TPST2: variants seen among roughly 807,000 people sequenced by gnomAD.
TPST2 encodes protein-tyrosine sulfotransferase 2.
Under a neutral mutation model 27.8 loss-of-function variants are expected in TPST2, and 16 were observed. The observed-to-expected ratio is 0.58, with a 90% CI of 0.39 to 0.88. TPST2 has a LOEUF of 0.88. TPST2 is among the 40% of genes least tolerant of loss of function. The pLI is 0.00. For synonymous variants in TPST2, 229 were observed against 231.7 expected (o/e 0.99, Z 0.10); for missense variants, 464 against 543.1 (o/e 0.85, Z 1.45).
intron 6 of TPST2, among the ~76,000 whole-genome samples, 192 bp from the exon 7 acceptor site, chr22:26,526,459 A>C (rs1471436324): frequency 6.6e-6 from 1 of 152,192 alleles, no homozygotes; most frequent in African/African-American, 2.4e-5. Context: ...CCCACATCTC[A>C]TCTTGCATCC....
chr22:26,584,330 T>C (rs776125832), intron 1 of TPST2, among the ~76,000 whole-genome samples: 34 of 152,140 alleles, frequency 2.2e-4, no homozygotes, highest in Non-Finnish European at 3.4e-4. Flanking sequence ...ATCTGGACTT[T>C]ACAGGCCAAG....
intron 1 of TPST2, among the ~76,000 whole-genome samples, chr22:26,561,393 C>T (rs3966172): frequency 1.2e-4 from 18 of 152,270 alleles, no homozygotes; most frequent in African/African-American, 4.1e-4. Context: ...AGTATGGGGG[C>T]TGTAAATTGG....
In TPST2 at chr22:26,537,553, A is replaced by G. The variant is rs150239816; in HGVS notation, c.843-1067T>C. ...CTGCAACCTCCACCTCCTGGGTTCA[A>G]ACGATTCTCATGCCTCAGCCTCCCA... is the stretch of plus-strand genomic sequence containing the variant. On this transcript the variant is annotated intron_variant, in intron 3 of 6. Transcript: ENST00000338754. Among the ~76,000 whole-genome samples, 4 of 152,286 alleles carry G rather than the reference A, an allele frequency of 2.6e-5. No homozygotes were observed. In the East Asian group the frequency reaches 7.7e-4, roughly 29 times the overall value.
At chr22:26,527,239 A>G (rs1924892013) in intron 6 of TPST2, among the ~76,000 whole-genome samples, 1 of 152,244 alleles carries the variant, frequency 6.6e-6, no homozygotes, top group South Asian at 2.1e-4. Flanking sequence ...CCAAGCTGGA[A>G]GGTGTTTCCA....
chr22:26,567,314 C>T (rs1927419712), intron 1 of TPST2, among the ~76,000 whole-genome samples: 1 of 152,198 alleles, frequency 6.6e-6, no homozygotes, highest in Non-Finnish European at 1.5e-5. Flanking sequence ...TGGTGCAGTC[C>T]CCTCCAAGGG....
rs978209451 is a variant in TPST2, at chr22:26,524,702, C to T, written c.*1573G>A. On this transcript the variant is annotated 3_prime_UTR_variant, in exon 7 of 7. Transcript: ENST00000338754. ...AAGGCAAGGAGGTATGGGTAAAACACCTTAACCCTTAAAGATACAAACTTA... is the reference window on the plus strand; with the variant it reads ...AAGGCAAGGAGGTATGGGTAAAACATCTTAACCCTTAAAGATACAAACTTA... The T allele has an allele frequency of 2.0e-5, 3 of 152,172 alleles. No homozygotes were observed. The highest frequency in any genetic ancestry group is 4.4e-5 in the Non-Finnish European group (3 of 68,042). The allele number at this position is 152,172 out of a possible 1,614,324, so 9.4% of individuals were successfully genotyped here.
chr22:26,568,579 T>C (rs1927467944), intron 1 of TPST2, among the ~76,000 whole-genome samples: 1 of 152,116 alleles, frequency 6.6e-6, no homozygotes, highest in Non-Finnish European at 1.5e-5. Context: ...TATAGGCCAA[T>C]TATAATGCAT....
chr22:26,566,021 AATAG>A (rs1927361528), intron 1 of TPST2, among the ~76,000 whole-genome samples: 1 of 152,234 alleles, frequency 6.6e-6, no homozygotes, highest in Non-Finnish European at 1.5e-5. Flanking sequence ...CTGAAATTAA[AATAG>A]ATAAAGACTT....
At chr22:26,560,649 T>C (rs1433545681) in intron 1 of TPST2, 5 of 1,328,398 alleles carry the variant, frequency 3.8e-6, no homozygotes, top group Non-Finnish European at 5.4e-6. Context: ...CTCAGAGTTT[T>C]CTAAGAAGTG....
intron 1 of TPST2, among the ~76,000 whole-genome samples, chr22:26,578,987 G>A (rs1440724361): frequency 6.6e-6 from 1 of 151,852 alleles, no homozygotes; most frequent in African/African-American, 2.4e-5. Context: ...AAGTAGCTGG[G>A]AATAAAGCAT....
chr22:26,555,046 C>T (rs112401105), intron 1 of TPST2, among the ~76,000 whole-genome samples: 3,261 of 152,278 alleles, frequency 0.021, 119 homozygotes, highest in African/African-American at 0.075. Context: ...TCTGAATAGC[C>T]CAAAACTTTA....
intron 1 of TPST2, among the ~76,000 whole-genome samples, chr22:26,557,191 CTGGCAGAGGCACTGTACACA>C (rs1346926343): frequency 6.6e-6 from 1 of 152,234 alleles, no homozygotes; most frequent in African/African-American, 2.4e-5. Context: ...GGGGGTGACC[CTGGCAGAGGCACTGTACACA>C]TGGCCCTGAG....
At chr22:26,583,774 A>G (rs1358717434) in intron 1 of TPST2, among the ~76,000 whole-genome samples, 1 of 151,254 alleles carries the variant, frequency 6.6e-6, no homozygotes, top group Non-Finnish European at 1.5e-5. Context: ...CAGGAGACGG[A>G]GGTTGCAAGG....
chr22:26,566,967 G>A (rs984451645), intron 1 of TPST2, among the ~76,000 whole-genome samples: 1 of 152,154 alleles, frequency 6.6e-6, no homozygotes, highest in South Asian at 2.1e-4. Context: ...ATGTTTAGCC[G>A]CATCCCCGGC....
intron 1 of TPST2, chr22:26,560,801 G>A (rs528665096): frequency 1.9e-5 from 26 of 1,381,766 alleles, no homozygotes; most frequent in South Asian, 1.5e-4. Context: ...TCAAGGATCC[G>A]AATGCACCCA....
At chr22:26,536,028 T>C (rs569933295) in intron 4 of TPST2, 31 of 613,548 alleles carry the variant, frequency 5.1e-5, no homozygotes, top group South Asian at 4.6e-4. Context: ...AGAAATAAGA[T>C]GAAATTAGTG....
intron 1 of TPST2, among the ~76,000 whole-genome samples, chr22:26,553,564 TCTCA>T (rs897733700): frequency 2.6e-5 from 4 of 152,126 alleles, no homozygotes; most frequent in Admixed American, 1.3e-4. Context: ...GGAGACGGGG[TCTCA>T]CTATGTTGCC....
intron 3 of TPST2, among the ~76,000 whole-genome samples, chr22:26,537,458 T>C (rs936316540): frequency 2.6e-5 from 4 of 152,070 alleles, no homozygotes; most frequent in Admixed American, 2.0e-4. Flanking sequence ...ACATTGTAAG[T>C]TTTTTCTTTT....
chr22:26,575,428 T>C (rs1726941991), intron 1 of TPST2, among the ~76,000 whole-genome samples: 1 of 151,880 alleles, frequency 6.6e-6, no homozygotes, highest in Admixed American at 6.6e-5. Context: ...GCCTCCTACT[T>C]GCAAGACCAC....
Sources: allele counts gnomAD v4.1 joint callset (sites outside exome capture counted in the v4.1 genomes callset), GRCh38; gene constraint gnomAD v4.1.1; transcripts MANE v1.5; gene names NCBI Gene and HGNC (gene_info 2026-07-23, HGNC 2026-07-21).